The following PRKCA variants were observed in gnomAD, a reference collection of about 807,000 sequenced individuals.
The protein encoded by PRKCA is protein kinase C alpha.
A neutral mutation model predicts 87.0 loss-of-function variants in PRKCA; 27 were observed. That is an observed-to-expected ratio of 0.31 (90% confidence interval 0.23 to 0.43). The LOEUF (loss-of-function observed/expected upper bound fraction) is 0.43. Among genes scored for constraint, PRKCA ranks in the 20% least tolerant of loss-of-function variants. The pLI, the probability that PRKCA is intolerant of heterozygous loss-of-function variation, is 1.00. For synonymous variants in PRKCA, 329 were observed against 311.1 expected (o/e 1.06, Z -0.61); for missense variants, 518 against 852.3 (o/e 0.61, Z 4.88).
intron 3 of PRKCA, among the ~76,000 whole-genome samples, chr17:66,631,080 T>G (rs1181514100): frequency 6.6e-6 from 1 of 152,200 alleles, no homozygotes; most frequent in East Asian, 1.9e-4. Context: ...TTTCCTCTGC[T>G]GTGAGATTGC....
At chr17:66,789,791 C>T (rs995561809) in intron 16 of PRKCA, among the ~76,000 whole-genome samples, 3 of 152,204 alleles carry the variant, frequency 2.0e-5, no homozygotes, top group Admixed American at 1.3e-4. Context: ...ACTGCCCTGA[C>T]GCTGATGCTG....
intron 13 of PRKCA, among the ~76,000 whole-genome samples, chr17:66,772,906 C>G (rs1238757772): frequency 1.3e-5 from 2 of 152,054 alleles, no homozygotes; most frequent in African/African-American, 4.8e-5. Context: ...TAAGATATGT[C>G]AGTTCACCCA....
At chr17:66,550,137 T>A (rs945714622) in intron 3 of PRKCA, among the ~76,000 whole-genome samples, 2 of 152,172 alleles carry the variant, frequency 1.3e-5, no homozygotes, top group African/African-American at 4.8e-5. Flanking sequence ...GTGCAGAGTT[T>A]TACTCTTTTT....
At chr17:66,353,603 C>A (rs1907883204) in intron 2 of PRKCA, among the ~76,000 whole-genome samples, 1 of 152,152 alleles carries the variant, frequency 6.6e-6, no homozygotes, top group African/African-American at 2.4e-5. Context: ...GTAATCCCAG[C>A]TATTCAGGAG....
chr17:66,509,352 G>A (rs1187770625), intron 3 of PRKCA, among the ~76,000 whole-genome samples: 8 of 152,116 alleles, frequency 5.3e-5, no homozygotes, highest in Admixed American at 3.3e-4. Context: ...TGGGAGCCAG[G>A]AGAGCTGATG....
chr17:66,554,624 G>T, intron 3 of PRKCA: 1 of 777,740 alleles, frequency 1.3e-6, no homozygotes, highest in Non-Finnish European at 1.6e-6. Context: ...TTTTTTGGTG[G>T]GGGGCACTAG....
chr17:66,424,812 T>C (rs1489782404), intron 2 of PRKCA, among the ~76,000 whole-genome samples: 1 of 150,872 alleles, frequency 6.6e-6, no homozygotes, highest in East Asian at 2.0e-4. Context: ...TGCAGTGGCA[T>C]GATCTGGGCT....
intron 3 of PRKCA, among the ~76,000 whole-genome samples, chr17:66,588,666 A>C (rs1299728747): frequency 3.2e-5 from 1 of 31,346 alleles, no homozygotes; most frequent in Non-Finnish European, 5.9e-5. Flanking sequence ...TTTTTTTGAG[A>C]GTTTCGCTTT....
chr17:66,443,993 G>C (rs990084), intron 2 of PRKCA, among the ~76,000 whole-genome samples: 103,056 of 151,992 alleles, frequency 0.68, 35,041 homozygotes, highest in Middle Eastern at 0.79. Context: ...TCCGCCTCAC[G>C]AGCCTCAGAA....
intron 2 of PRKCA, among the ~76,000 whole-genome samples, chr17:66,485,696 T>C (rs1915964698): frequency 6.6e-6 from 1 of 152,068 alleles, no homozygotes; most frequent in South Asian, 2.1e-4. Flanking sequence ...TGCTTATAGA[T>C]GTGAGTGACA....
rs114486403 is a variant in PRKCA, at chr17:66,567,208, G to A, written c.288+70925G>A. 6.0e-3 allele frequency among the ~76,000 whole-genome samples: 912 copies of A among 152,232 alleles called. 13 individuals carry two copies. Among genetic ancestry groups the A allele is most frequent in the African/African-American group, 0.018 (764 of 41,544 alleles). On this transcript the variant is annotated intron_variant, in intron 3 of 16. Coordinates refer to ENST00000413366, the MANE Select transcript of PRKCA (RefSeq NM_002737.3). The stretch of plus-strand genomic sequence containing the variant: ...ATGAAATTCTGCCACAGGAATATAA[G>A]GTAATTAATTTCTCTAAGTATGAAA...
chr17:66,495,647 C>T (rs894425860), intron 2 of PRKCA, among the ~76,000 whole-genome samples: 2 of 151,358 alleles, frequency 1.3e-5, no homozygotes, highest in Non-Finnish European at 2.9e-5. Context: ...CCACCTCCCA[C>T]GTTCAAGCGA....
intron 5 of PRKCA, among the ~76,000 whole-genome samples, chr17:66,653,005 ACCTGGCC>A (rs199727861): frequency 2.0e-5 from 3 of 152,188 alleles, no homozygotes; most frequent in African/African-American, 4.8e-5. Flanking sequence ...AAGAGCACTC[ACCTGGCC>A]CCTGGCCCCT....
intron 3 of PRKCA, among the ~76,000 whole-genome samples, chr17:66,512,502 T>C (rs1917281889): frequency 4.3e-3 from 1 of 232 alleles, no homozygotes; most frequent in South Asian, 0.045. Flanking sequence ...ATTTCTTTCT[T>C]TCCCTTGGTC....
intron 3 of PRKCA, among the ~76,000 whole-genome samples, chr17:66,613,543 C>A (rs939401279): frequency 6.6e-6 from 1 of 152,146 alleles, no homozygotes; most frequent in Non-Finnish European, 1.5e-5. Context: ...CAAGGTGTCT[C>A]CAGGCCATGC....
chr17:66,657,384 T>A (rs1196831147), intron 5 of PRKCA, among the ~76,000 whole-genome samples: 2 of 152,020 alleles, frequency 1.3e-5, no homozygotes, highest in East Asian at 3.9e-4. Context: ...GGGTGGTGAA[T>A]TTGGGGAATG....
intron 3 of PRKCA, among the ~76,000 whole-genome samples, chr17:66,621,328 C>A (rs1970675404): frequency 1.3e-5 from 2 of 152,160 alleles, no homozygotes; most frequent in South Asian, 4.1e-4. Context: ...AGAAGCTAAT[C>A]AAAATCATGA....
chr17:66,622,506 G>A (rs2143699967), intron 3 of PRKCA, among the ~76,000 whole-genome samples: 1 of 152,312 alleles, frequency 6.6e-6, no homozygotes, highest in African/African-American at 2.4e-5. Context: ...ACCCATGGTG[G>A]TTACCTTTTC....
At chr17:66,379,123 T>C (rs1394227560) in intron 2 of PRKCA, among the ~76,000 whole-genome samples, 1 of 152,212 alleles carries the variant, frequency 6.6e-6, no homozygotes, top group Non-Finnish European at 1.5e-5. Flanking sequence ...CAGTTGTGCA[T>C]GAGTTTTTTT....
Sources: gnomAD v4.1 joint callset for allele counts (sites outside exome capture counted in the v4.1 genomes callset) on GRCh38, gnomAD v4.1.1 for gene constraint, MANE v1.5 for transcripts, NCBI Gene and HGNC (gene_info 2026-07-23, HGNC 2026-07-21) for gene names.